Variants in TMEM132C observed in about 807,000 individuals in gnomAD.
The protein encoded by TMEM132C is protein phosphatase 1, regulatory subunit 152.
TMEM132C carries 29 observed loss-of-function variants against 61.4 expected under a neutral mutation model. The ratio of observed to expected loss-of-function variants is 0.47; its 90% CI spans 0.35 to 0.64. The LOEUF (loss-of-function observed/expected upper bound fraction) is 0.64, where lower values mean the gene tolerates loss of function less well. Among genes scored for constraint, TMEM132C ranks in the 30% least tolerant of loss-of-function variants. The pLI is 0.00. For missense variants in TMEM132C, 1,408 were observed against 1,476.9 expected (o/e 0.95, Z 0.76); for synonymous variants, 656 against 633.1 (o/e 1.04, Z -0.54).
chr12:128,398,464 T>C (rs538168483), intron 1 of TMEM132C, among the ~76,000 whole-genome samples: 1 of 152,280 alleles, frequency 6.6e-6, no homozygotes, highest in Admixed American at 6.5e-5. Context: ...TTCATCCTCA[T>C]GTGTGAGACA....
intron 1 of TMEM132C, among the ~76,000 whole-genome samples, chr12:128,360,289 T>A (rs2135971464): frequency 6.7e-6 from 1 of 149,472 alleles, no homozygotes; most frequent in East Asian, 2.0e-4. Context: ...CACCCCAGGA[T>A]AACAGAGAGA....
chr12:128,340,842 T>G (rs1232413724), intron 1 of TMEM132C, among the ~76,000 whole-genome samples: 1 of 138,028 alleles, frequency 7.2e-6, no homozygotes, highest in Non-Finnish European at 1.5e-5. Context: ...TCTCTCTCTC[T>G]TTCTCTCTTT....
chr12:128,464,955 G>A (rs1870679783), intron 2 of TMEM132C, among the ~76,000 whole-genome samples: 1 of 152,184 alleles, frequency 6.6e-6, no homozygotes, highest in African/African-American at 2.4e-5. Context: ...ATGAGCGAGA[G>A]TAGGACAGAA....
intron 2 of TMEM132C, among the ~76,000 whole-genome samples, chr12:128,485,392 G>T (rs552520902): frequency 6.6e-6 from 1 of 152,262 alleles, no homozygotes; most frequent in South Asian, 2.1e-4. Context: ...GGCCAGGCTG[G>T]TCTCGAACTC....
intron 1 of TMEM132C, among the ~76,000 whole-genome samples, chr12:128,327,597 A>G (rs1180554706): frequency 6.6e-6 from 1 of 151,900 alleles, no homozygotes; most frequent in Non-Finnish European, 1.5e-5. Context: ...GTTAGCCAGG[A>G]TGGTCTCGAT....
chr12:128,365,879 GC>G (rs1357948715), intron 1 of TMEM132C, among the ~76,000 whole-genome samples: 1 of 152,174 alleles, frequency 6.6e-6, no homozygotes, highest in African/African-American at 2.4e-5. Flanking sequence ...GTGCCGAGGA[GC>G]CCTCCCCGGG....
intron 4 of TMEM132C, among the ~76,000 whole-genome samples, chr12:128,664,556 T>C (rs1954437450): frequency 6.6e-6 from 1 of 152,246 alleles, no homozygotes; most frequent in Non-Finnish European, 1.5e-5. Flanking sequence ...TGTCGTGTTC[T>C]GAGGCCTTGA....
At chr12:128,535,786 T>G (rs1434803198) in intron 2 of TMEM132C, among the ~76,000 whole-genome samples, 1 of 151,660 alleles carries the variant, frequency 6.6e-6, no homozygotes. Flanking sequence ...GAGAATGGCA[T>G]GAACCCGGGA....
At chr12:128,504,812 T>TGGGGGG (rs1872302951) in intron 2 of TMEM132C, among the ~76,000 whole-genome samples, 1 of 1,208 alleles carries the variant, frequency 8.3e-4, no homozygotes, top group Non-Finnish European at 1.5e-3. Flanking sequence ...TGAATTTAGG[T>TGGGGGG]GGGGGTGGGG....
At chr12:128,520,120 G>T (rs1052511371) in intron 2 of TMEM132C, among the ~76,000 whole-genome samples, 96 of 152,230 alleles carry the variant, frequency 6.3e-4, no homozygotes, top group African/African-American at 2.2e-3. Flanking sequence ...ACTTGCAAAG[G>T]CACATGCTGG....
intron 2 of TMEM132C, among the ~76,000 whole-genome samples, chr12:128,427,618 A>C (rs1314357832): frequency 6.6e-6 from 1 of 151,990 alleles, no homozygotes; most frequent in Non-Finnish European, 1.5e-5. Flanking sequence ...GGTGAGATCC[A>C]AGCTCTCGAT....
intron 2 of TMEM132C, among the ~76,000 whole-genome samples, chr12:128,503,361 G>T (rs1405933582): frequency 6.6e-6 from 1 of 151,430 alleles, no homozygotes; most frequent in Non-Finnish European, 1.5e-5. Context: ...GAGGTTTCTG[G>T]TCTTGTTGGA....
chr12:128,592,025 C>T (rs1875769383), intron 3 of TMEM132C, among the ~76,000 whole-genome samples: 1 of 139,304 alleles, frequency 7.2e-6, no homozygotes, highest in Non-Finnish European at 1.5e-5. Flanking sequence ...GCACTCCAAC[C>T]TGGGCGACAG....
chr12:128,642,289 G>A (rs1206365780), intron 4 of TMEM132C, among the ~76,000 whole-genome samples: 1 of 151,778 alleles, frequency 6.6e-6, no homozygotes, highest in Non-Finnish European at 1.5e-5. Flanking sequence ...GTGCCACCAT[G>A]TCTGGCTAAT....
chr12:128,581,701 C>T (rs1263591739), intron 3 of TMEM132C, among the ~76,000 whole-genome samples: 1 of 152,220 alleles, frequency 6.6e-6, no homozygotes, highest in Non-Finnish European at 1.5e-5. Flanking sequence ...CTTTTTACTG[C>T]ATTAGCTCGA....
intron 8 of TMEM132C, among the ~76,000 whole-genome samples, chr12:128,700,590 G>A (rs887092661): frequency 2.2e-4 from 34 of 152,340 alleles, no homozygotes; most frequent in African/African-American, 6.7e-4. Context: ...CCCTTAGAGT[G>A]TAGAAGGCTG....
intron 2 of TMEM132C, among the ~76,000 whole-genome samples, chr12:128,485,106 C>T (rs1272819433): frequency 6.6e-6 from 1 of 152,172 alleles, no homozygotes; most frequent in Non-Finnish European, 1.5e-5. Flanking sequence ...GTGAGCAGAG[C>T]CTGCTGCCCA....
intron 2 of TMEM132C, among the ~76,000 whole-genome samples, chr12:128,490,531 A>C (rs1871680871): frequency 1.3e-5 from 2 of 152,248 alleles, no homozygotes; most frequent in African/African-American, 4.8e-5. Context: ...GACCTAAGCC[A>C]GTGAATAATG....
At chr12:128,291,391 G>C (rs1417525565) in intron 1 of TMEM132C, among the ~76,000 whole-genome samples, 1 of 152,328 alleles carries the variant, frequency 6.6e-6, no homozygotes, top group East Asian at 1.9e-4. Context: ...TCTCCATACA[G>C]TGCCAGGTGC....
Sources: allele counts gnomAD v4.1 joint callset (sites outside exome capture counted in the v4.1 genomes callset), GRCh38; gene constraint gnomAD v4.1.1; transcripts MANE v1.5; gene names NCBI Gene and HGNC (gene_info 2026-07-23, HGNC 2026-07-21).